Variants in FTCDNL1 observed in about 807,000 individuals in gnomAD.
FTCDNL1 encodes formiminotransferase N-terminal subdomain-containing protein.
In FTCDNL1, 11 loss-of-function variants were observed where a neutral mutation model predicts 5.9. The observed-to-expected ratio is 1.87, with a 90% CI of 1.18 to 3.10. The LOEUF is 3.10. FTCDNL1 is among the 30% of genes most tolerant of loss of function. The pLI is 0.00. For synonymous variants in FTCDNL1, 58 were observed against 24.8 expected (o/e 2.34, Z -3.99); for missense variants, 115 against 65.5 (o/e 1.76, Z -2.61).
chr2:199,718,329 T>A, the FTCDNL1 span, among the ~76,000 whole-genome samples: 1 of 152,302 alleles, frequency 6.6e-6, no homozygotes. Flanking sequence ...TTATTTCACT[T>A]AGAATAGTGG....
the FTCDNL1 span, among the ~76,000 whole-genome samples, chr2:199,754,187 C>T: frequency 7.2e-5 from 11 of 152,136 alleles, no homozygotes; most frequent in African/African-American, 1.4e-4. Flanking sequence ...TAATACAATT[C>T]GTAGCTGGGC....
chr2:199,731,973 G>T, the FTCDNL1 span, among the ~76,000 whole-genome samples: 2 of 151,896 alleles, frequency 1.3e-5, no homozygotes, highest in African/African-American at 4.8e-5. Flanking sequence ...GTTTCTTAAA[G>T]AGAAGAAACA....
chr2:199,816,613 A>G (rs926336553), intron 4 of FTCDNL1, among the ~76,000 whole-genome samples: 9 of 152,220 alleles, frequency 5.9e-5, no homozygotes, highest in Non-Finnish European at 1.3e-4. Flanking sequence ...CATGCTGCCT[A>G]TACTACCTGG....
the FTCDNL1 span, among the ~76,000 whole-genome samples, chr2:199,693,886 A>G: frequency 6.6e-6 from 1 of 152,226 alleles, no homozygotes; most frequent in African/African-American, 2.4e-5. Flanking sequence ...ACTGTTAATA[A>G]TCCTAATCGG....
chr2:199,831,691 C>T (rs1436205482), intron 3 of FTCDNL1, among the ~76,000 whole-genome samples: 2 of 152,226 alleles, frequency 1.3e-5, no homozygotes, highest in Non-Finnish European at 2.9e-5. Context: ...CATAACTTGG[C>T]AGGGGGACAT....
At chr2:199,688,655 C>T in the FTCDNL1 span, among the ~76,000 whole-genome samples, 1 of 152,154 alleles carries the variant, frequency 6.6e-6, no homozygotes, top group African/African-American at 2.4e-5. Context: ...CCTTAGGGCT[C>T]AACATCCCAG....
At chr2:199,781,757 G>GTT (rs368893680) in intron 3 of FTCDNL1, among the ~76,000 whole-genome samples, 1 of 141,196 alleles carries the variant, frequency 7.1e-6, no homozygotes, top group Non-Finnish European at 1.6e-5. Context: ...GTGAGGTATT[G>GTT]TTTTTTTTTC....
intron 3 of FTCDNL1, among the ~76,000 whole-genome samples, chr2:199,832,359 C>T (rs1264399189): frequency 6.6e-6 from 1 of 152,110 alleles, no homozygotes; most frequent in Non-Finnish European, 1.5e-5. Flanking sequence ...GGGGAAGGTA[C>T]TTTGTTATAT....
intron 3 of FTCDNL1, among the ~76,000 whole-genome samples, chr2:199,834,942 G>A (rs1574660076): frequency 6.6e-6 from 1 of 152,324 alleles, no homozygotes; most frequent in East Asian, 1.9e-4. Context: ...AGGAAGCCAA[G>A]GCAGGAGGAT....
At chr2:199,765,556 A>ATATATTTTTTTTTTTTTTTTTTTTTTT in intron 3 of FTCDNL1, among the ~76,000 whole-genome samples, 1 of 42,666 alleles carries the variant, frequency 2.3e-5, no homozygotes, top group Non-Finnish European at 4.8e-5. Flanking sequence ...ATATATATAT[A>ATATATTTTTTTTTTTTTTTTTTTTTTT]TTTTTTTTTT....
chr2:199,669,074 C>T, the FTCDNL1 span, among the ~76,000 whole-genome samples: 57 of 152,034 alleles, frequency 3.7e-4, no homozygotes, highest in African/African-American at 1.3e-3. Flanking sequence ...GAATTTATTT[C>T]GCGGGTTTGG....
At chr2:199,786,544 T>A (rs1353289050) in intron 3 of FTCDNL1, among the ~76,000 whole-genome samples, 1 of 152,202 alleles carries the variant, frequency 6.6e-6, no homozygotes, top group Non-Finnish European at 1.5e-5. Context: ...GATATTAAAA[T>A]GATGTCTAAC....
intron 3 of FTCDNL1, 30 bp downstream of exon 3, chr2:199,846,045 T>A (rs2076724302): frequency 1.5e-6 from 1 of 674,702 alleles, no homozygotes; most frequent in Non-Finnish European, 2.7e-6. Context: ...AAAAAAGACA[T>A]ATATGTAAAG....
the FTCDNL1 span, among the ~76,000 whole-genome samples, chr2:199,729,044 A>G: frequency 1.2e-3 from 185 of 152,364 alleles, 1 homozygote; most frequent in African/African-American, 4.3e-3. Context: ...GTGCTGAGGC[A>G]AAGAGCCAGG....
chr2:199,671,819 AT>A, the FTCDNL1 span, among the ~76,000 whole-genome samples: 1 of 152,152 alleles, frequency 6.6e-6, no homozygotes, highest in Non-Finnish European at 1.5e-5. Context: ...CACCATATAT[AT>A]CTTAAGAGGA....
Position 199,765,532 on chromosome 2 carries a change from T to TTATATA in FTCDNL1, c.212-4703_212-4698dup, listed in dbSNP as rs1319054963. Among the ~76,000 whole-genome samples, 105 of 79,542 alleles carry TTATATA rather than the reference T, an allele frequency of 1.3e-3. 3 individuals are homozygous for TTATATA. Among genetic ancestry groups the TTATATA allele is most frequent in the East Asian group, 3.2e-3 (5 of 1,580 alleles). The allele number at this position is 79,542 out of a possible 152,430, so 52.2% of individuals were successfully genotyped here. Reference sequence around the variant, plus strand: ...ACGTGGCATCTCTTTTTTGTCTTCATTATATATATATATATATATATATAT... The same window carrying TTATATA: ...ACGTGGCATCTCTTTTTTGTCTTCATTATATATATATATATATATATATATATATAT... On this transcript the variant is annotated intron_variant, in intron 3 of 3. Transcript: ENST00000416668.
intron 3 of FTCDNL1, among the ~76,000 whole-genome samples, chr2:199,780,515 G>GAA (rs1000774948): frequency 2.0e-5 from 3 of 152,168 alleles, no homozygotes; most frequent in Non-Finnish European, 4.4e-5. Flanking sequence ...AATTAAAGAT[G>GAA]AAAACTAGAG....
chr2:199,680,264 T>G, the FTCDNL1 span, among the ~76,000 whole-genome samples: 4 of 152,150 alleles, frequency 2.6e-5, no homozygotes, highest in African/African-American at 9.7e-5. Context: ...ATGTGATAGT[T>G]TAAAAAGCAA....
At chr2:199,665,580 C>T in the FTCDNL1 span, among the ~76,000 whole-genome samples, 1 of 150,126 alleles carries the variant, frequency 6.7e-6, no homozygotes. Context: ...TTGCAATGAG[C>T]CGAGATCGTG....
Sources: allele counts gnomAD v4.1 joint callset (sites outside exome capture counted in the v4.1 genomes callset), GRCh38; gene constraint gnomAD v4.1.1; transcripts MANE v1.5; gene names NCBI Gene and HGNC (gene_info 2026-07-23, HGNC 2026-07-21).